NCKAP5: variants seen among roughly 807,000 people sequenced by gnomAD.
NCKAP5 encodes the protein NCK associated protein 5.
A neutral mutation model predicts 167.0 loss-of-function variants in NCKAP5; 92 were observed. The observed-to-expected ratio is 0.55, with a 90% CI of 0.47 to 0.66. The LOEUF is 0.66. Among genes scored for constraint, NCKAP5 ranks in the 30% least tolerant of loss-of-function variants. NCKAP5 has a pLI of 0.00. For synonymous variants in NCKAP5, 891 were observed against 877.4 expected, an observed-to-expected ratio of 1.02 and a Z score of -0.27; for missense variants, 2,378 against 2,315.0, an observed-to-expected ratio of 1.03 and a Z score of -0.56.
intron 2 of NCKAP5, among the ~76,000 whole-genome samples, chr2:133,529,700 T>C (rs1019263548): frequency 2.0e-5 from 3 of 152,212 alleles, no homozygotes; most frequent in African/African-American, 7.2e-5. Flanking sequence ...TTATCATAGC[T>C]GAACAGAACC....
intron 19 of NCKAP5, among the ~76,000 whole-genome samples, chr2:132,677,148 T>C (rs1345347792): frequency 2.0e-5 from 3 of 152,158 alleles, no homozygotes; most frequent in Non-Finnish European, 4.4e-5. Flanking sequence ...AGAATTATGA[T>C]AAAATTAATA....
chr2:133,389,618 C>T (rs1687254040), intron 3 of NCKAP5, among the ~76,000 whole-genome samples: 1 of 152,226 alleles, frequency 6.6e-6, no homozygotes, highest in Non-Finnish European at 1.5e-5. Flanking sequence ...TGATAATTAA[C>T]TGTACTAAAC....
At chr2:133,222,169 A>G (rs928489908) in intron 4 of NCKAP5, among the ~76,000 whole-genome samples, 5 of 152,134 alleles carry the variant, frequency 3.3e-5, no homozygotes, top group African/African-American at 9.7e-5. Context: ...CTGCAAAAAA[A>G]TTACTGAGAA....
At chr2:133,431,551 C>G (rs1445639087) in intron 3 of NCKAP5, 1 of 152,166 alleles carries the variant, frequency 6.6e-6, no homozygotes, top group Non-Finnish European at 1.5e-5. Context: ...AAGAGGGCAG[C>G]TGGGATCTCT....
At position 133,330,244 on chromosome 2, in the gene NCKAP5, A is replaced by ATTTTTTTTTT. The variant is rs765058418; in HGVS notation, c.70-27144_70-27135dup. 5.8e-3 allele frequency among the ~76,000 whole-genome samples: 509 copies of ATTTTTTTTTT among 88,032 alleles called. 2 individuals carry two copies. The highest frequency in any genetic ancestry group is 9.6e-3 in the Middle Eastern group (1 of 104). The allele number at this position is 88,032 out of a possible 152,430, so 57.8% of individuals were successfully genotyped here. A position where few individuals can be genotyped will look rare whatever the true frequency, so the allele number is the denominator to read the frequency against. On this transcript the variant is annotated intron_variant, in intron 3 of 19. Transcript: ENST00000409261. ...CACACCCAGCTACTTTATTTTTTGT[A>ATTTTTTTTTT]TTTTTTTTTTTTTTTTTTTTTGTAG...
Position 132,672,766 on chromosome 2 carries a change from CA to C in NCKAP5, c.*522del, listed in dbSNP as rs1327799270. ...AATTTACAACTTCTGTACAAATATT[CA>C]AAAAAAGTGCAAAATTAAGGATTCT... On this transcript the variant is annotated 3_prime_UTR_variant, in exon 20 of 20. Transcript: ENST00000409261. The C allele has an allele frequency of 1.1e-5, 2 of 182,936 alleles. No homozygotes were observed. Among genetic ancestry groups the C allele is most frequent in the Non-Finnish European group, 2.1e-5 (2 of 96,002 alleles). 11.3% of individuals were successfully genotyped at this position (182,936 alleles called of 1,614,324 possible).
At chr2:133,332,438 A>T (rs1024566368) in intron 3 of NCKAP5, among the ~76,000 whole-genome samples, 4 of 152,094 alleles carry the variant, frequency 2.6e-5, no homozygotes, top group African/African-American at 9.7e-5. Flanking sequence ...AGCCAAAAAA[A>T]CCCCACAAAA....
intron 11 of NCKAP5, among the ~76,000 whole-genome samples, chr2:132,836,082 A>G (rs1008032111): frequency 6.6e-5 from 10 of 152,196 alleles, no homozygotes; most frequent in African/African-American, 2.4e-4. Flanking sequence ...CAGAACCAGG[A>G]TTTAAATCTA....
intron 9 of NCKAP5, among the ~76,000 whole-genome samples, chr2:132,877,355 AAAT>A (rs1448178099): frequency 6.6e-6 from 1 of 152,230 alleles, no homozygotes; most frequent in Admixed American, 6.5e-5. Context: ...AATATTAAAC[AAAT>A]AATTTTCTGA....
intron 2 of NCKAP5, among the ~76,000 whole-genome samples, chr2:133,535,262 ATTT>A (rs751315668): frequency 6.7e-6 from 1 of 150,122 alleles, no homozygotes; most frequent in Non-Finnish European, 1.5e-5. Context: ...GTACCTAATA[ATTT>A]TTCAACCCTC....
At chr2:133,324,502 T>C (rs1325153686) in intron 3 of NCKAP5, among the ~76,000 whole-genome samples, 1 of 152,104 alleles carries the variant, frequency 6.6e-6, no homozygotes, top group Non-Finnish European at 1.5e-5. Context: ...GCCTCTGCAG[T>C]TGTGAGGCCG....
At chr2:133,006,306 T>C (rs1265619379) in intron 6 of NCKAP5, among the ~76,000 whole-genome samples, 1 of 152,002 alleles carries the variant, frequency 6.6e-6, no homozygotes, top group African/African-American at 2.4e-5. Context: ...CAAAAAAAGA[T>C]TTCTTCTCTT....
intron 3 of NCKAP5, among the ~76,000 whole-genome samples, chr2:133,369,979 A>C (rs932628891): frequency 6.6e-6 from 1 of 152,196 alleles, no homozygotes; most frequent in Non-Finnish European, 1.5e-5. Flanking sequence ...ATTGCCTCTG[A>C]ACCTTTAAAC....
rs528427810 is a variant in NCKAP5 at position 133,151,693 on chromosome 2, G to A, written c.208-21582C>T. The stretch of plus-strand genomic sequence containing the variant: ...GTGAAAGTATAAAATGGTACAGCTA[G>A]ATTAGAAAACAATCTGGAAGTTTCT... On this transcript the variant is annotated intron_variant, in intron 5 of 19. Transcript: ENST00000409261. Among the ~76,000 whole-genome samples the A allele has an allele frequency of 7.9e-5, 12 of 152,284 alleles. No homozygotes were observed. The South Asian group carries it at 2.5e-3, about 32-fold the overall frequency.
intron 19 of NCKAP5, among the ~76,000 whole-genome samples, chr2:132,703,564 A>C (rs1166551990): frequency 1.3e-5 from 2 of 152,214 alleles, no homozygotes; most frequent in African/African-American, 2.4e-5. Flanking sequence ...ACAATGAGTC[A>C]GATTTTCCTC....
intron 8 of NCKAP5, among the ~76,000 whole-genome samples, chr2:132,888,855 G>A (rs1229628372): frequency 6.6e-6 from 1 of 152,186 alleles, no homozygotes; most frequent in African/African-American, 2.4e-5. Flanking sequence ...TAGTATTGTT[G>A]TAGTAGTAGA....
Position 133,179,232 on chromosome 2 carries a change from G to T in NCKAP5, c.207+34484C>A, listed in dbSNP as rs185695684. Among the ~76,000 whole-genome samples, 963 of 136,302 alleles carry T rather than the reference G, an allele frequency of 7.1e-3. 6 individuals are homozygous for T. The highest frequency in any genetic ancestry group is 0.024 in the African/African-American group (884 of 37,476). The allele number at this position is 136,302 out of a possible 152,430, so 89.4% of individuals were successfully genotyped here. ...TGGAACCAGAATTGTTTCAGATTTGGTTTTTTTTTTTTTTTGGATTTTGCA... is the reference window on the plus strand; with the variant it reads ...TGGAACCAGAATTGTTTCAGATTTGTTTTTTTTTTTTTTTTGGATTTTGCA... On this transcript the variant is annotated intron_variant, in intron 5 of 19. Coordinates refer to ENST00000409261, the MANE Select transcript of NCKAP5 (RefSeq NM_207363.3).
intron 8 of NCKAP5, among the ~76,000 whole-genome samples, chr2:132,957,445 C>G (rs539826486): frequency 6.6e-6 from 1 of 152,314 alleles, no homozygotes; most frequent in East Asian, 1.9e-4. Context: ...ACTACATGAC[C>G]TTGGGCAAAA....
chr2:133,497,880 G>A (rs1682078579), intron 3 of NCKAP5, among the ~76,000 whole-genome samples: 1 of 152,148 alleles, frequency 6.6e-6, no homozygotes, highest in East Asian at 1.9e-4. Flanking sequence ...AACTACTGGG[G>A]ATTTTATCTC....
Sources: gnomAD v4.1 joint callset for allele counts (sites outside exome capture counted in the v4.1 genomes callset) on GRCh38, gnomAD v4.1.1 for gene constraint, MANE v1.5 for transcripts, NCBI Gene and HGNC (gene_info 2026-07-23, HGNC 2026-07-21) for gene names.